Variants in CHL1 observed in about 807,000 individuals in gnomAD.
The protein encoded by CHL1 is cell adhesion molecule L1 like, also known as neural cell adhesion molecule L1-like protein.
CHL1 carries 96 observed loss-of-function variants against 141.9 expected under a neutral mutation model. The ratio of observed to expected loss-of-function variants is 0.68; its 90% CI spans 0.57 to 0.80. CHL1 has a LOEUF of 0.80. Ranked by LOEUF, CHL1 falls within the 30% of genes least tolerant of loss-of-function variation. CHL1 has a pLI of 0.00. For missense variants in CHL1, 1,820 were observed against 1,457.2 expected (o/e 1.25, Z -4.05); for synonymous variants, 613 against 502.2 (o/e 1.22, Z -2.95).
At chr3:207,788 C>G (rs926560646) in intron 1 of CHL1, among the ~76,000 whole-genome samples, 1 of 152,154 alleles carries the variant, frequency 6.6e-6, no homozygotes, top group Non-Finnish European at 1.5e-5. Context: ...GAGCAAACTT[C>G]AAAGGGTTTC....
At chr3:259,657 G>T (rs932658054) in intron 2 of CHL1, among the ~76,000 whole-genome samples, 14 of 151,796 alleles carry the variant, frequency 9.2e-5, no homozygotes, top group African/African-American at 3.1e-4. Context: ...TTACTTCCAA[G>T]CATTTTATAT....
chr3:210,486 G>A (rs1005865442), intron 1 of CHL1, among the ~76,000 whole-genome samples: 14 of 152,182 alleles, frequency 9.2e-5, no homozygotes, highest in African/African-American at 3.4e-4. Context: ...AGCTCAGCTG[G>A]GCCCCTCTTT....
At position 408,148 on chromosome 3, in the gene CHL1, C is replaced by T. The variant is rs1279015670; in HGVS notation, c.*2437C>T. On this transcript the variant is annotated 3_prime_UTR_variant, in exon 28 of 28. Coordinates refer to ENST00000256509, the MANE Select transcript of CHL1 (RefSeq NM_006614.4). ...TGATTTTCCCTCAGAAAATGAGTAACAGAGTCCACGGCGTGCAATGGTAAT... is the reference window on the plus strand; with the variant it reads ...TGATTTTCCCTCAGAAAATGAGTAATAGAGTCCACGGCGTGCAATGGTAAT... 1 of 152,004 alleles carries T rather than the reference C, an allele frequency of 6.6e-6. No homozygotes were observed. The highest frequency in any genetic ancestry group is 1.5e-5 in the Non-Finnish European group (1 of 67,990). 9.4% of individuals were successfully genotyped at this position (152,004 alleles called of 1,614,324 possible).
At chr3:217,858 C>G (rs1459094606) in intron 1 of CHL1, among the ~76,000 whole-genome samples, 1 of 152,022 alleles carries the variant, frequency 6.6e-6, no homozygotes, top group Non-Finnish European at 1.5e-5. Flanking sequence ...CAAAACAAAC[C>G]TTGGCTGTTG....
Position 361,721 on chromosome 3 carries a change from C to T in CHL1, c.1329C>T (p.Thr443=), listed in dbSNP as rs751295581. Residue 443 remains threonine (T), a synonymous_variant, in exon 13 of 28, where the codon ACC becomes ACT. Coordinates refer to ENST00000256509, the MANE Select transcript of CHL1 (RefSeq NM_006614.4). ...TAGATGTCCGTCCATTGATACAAAC[C>T]AAAGATGGAGAAAATTACGCTACAG... is the stretch of plus-strand genomic sequence containing the variant. ...DVVDVRPLIQ[T]KDGENYATVV... 6.2e-7 allele frequency: 1 copy of T among 1,612,646 alleles called. No homozygotes were observed. Among genetic ancestry groups the T allele is most frequent in the Non-Finnish European group, 8.5e-7 (1 of 1,179,004 alleles).
At chr3:345,467 A>AT (rs397937888) in intron 9 of CHL1, among the ~76,000 whole-genome samples, 12,383 of 134,776 alleles carry the variant, frequency 0.092, 612 homozygotes, top group African/African-American at 0.15. Flanking sequence ...TATTTATTTA[A>AT]TTATTTATTC....
chr3:366,245 T>C, intron 15 of CHL1, 130 bp downstream of exon 15: 1 of 790,378 alleles, frequency 1.3e-6, no homozygotes, highest in South Asian at 1.7e-5. Flanking sequence ...CCGAGGCGAG[T>C]GGATCACTTG....
At chr3:289,915 A>T (rs770753266) in intron 2 of CHL1, among the ~76,000 whole-genome samples, 2 of 143,964 alleles carry the variant, frequency 1.4e-5, no homozygotes, top group Non-Finnish European at 3.0e-5. Flanking sequence ...ACATAGATAC[A>T]TTGCTCCACT....
At chr3:198,544 T>G (rs1055544937) in intron 1 of CHL1, among the ~76,000 whole-genome samples, 14 of 152,184 alleles carry the variant, frequency 9.2e-5, no homozygotes, top group Non-Finnish European at 1.9e-4. Context: ...AGTTTCCCTT[T>G]CTCAATAATA....
At chr3:320,689 C>T (rs73009509) in intron 3 of CHL1, among the ~76,000 whole-genome samples, 14,415 of 151,792 alleles carry the variant, frequency 0.095, 986 homozygotes, top group East Asian at 0.33. Flanking sequence ...TATAGTGAGA[C>T]TTTGTTTTTT....
At chr3:247,995 G>A (rs1189142268) in intron 2 of CHL1, 3 of 151,934 alleles carry the variant, frequency 2.0e-5, no homozygotes, top group African/African-American at 4.8e-5. Context: ...CATATTTGAT[G>A]TCTTTACCTT....
intron 2 of CHL1, among the ~76,000 whole-genome samples, chr3:280,270 G>A (rs1696519836): frequency 1.3e-5 from 2 of 151,618 alleles, no homozygotes; most frequent in African/African-American, 4.8e-5. Context: ...AAAGAATGAG[G>A]GATTTTGCAA....
chr3:405,411 T>C (rs1296583680), intron 27 of CHL1, 84 bp from the exon 28 acceptor site: 9 of 896,158 alleles, frequency 1.0e-5, no homozygotes, highest in Non-Finnish European at 1.6e-5. Context: ...AATTATAAAA[T>C]CTTTTATCAC....
At chr3:229,804 T>C (rs1701697428) in intron 1 of CHL1, among the ~76,000 whole-genome samples, 1 of 152,172 alleles carries the variant, frequency 6.6e-6, no homozygotes, top group African/African-American at 2.4e-5. Context: ...TAGAACTTAA[T>C]CTTTAAATTC....
intron 2 of CHL1, among the ~76,000 whole-genome samples, chr3:298,290 C>G (rs1698392298): frequency 6.6e-6 from 1 of 152,150 alleles, no homozygotes; most frequent in African/African-American, 2.4e-5. Flanking sequence ...GACCTAATAT[C>G]TAGTTTTACT....
chr3:332,037 A>T (rs1294531756), intron 5 of CHL1, among the ~76,000 whole-genome samples: 1 of 152,240 alleles, frequency 6.6e-6, no homozygotes, highest in Non-Finnish European at 1.5e-5. Flanking sequence ...CCTTCGTTGA[A>T]GATGCTCTTA....
At position 408,774 on chromosome 3, in the gene CHL1, G is replaced by A. The variant is rs1709685660; in HGVS notation, c.*3063G>A. The A allele has an allele frequency of 6.6e-6, 1 of 152,020 alleles. No individual in the cohort carries two copies. The highest frequency in any genetic ancestry group is 1.5e-5 in the Non-Finnish European group (1 of 67,988). 9.4% of individuals were successfully genotyped at this position (152,020 alleles called of 1,614,324 possible). On this transcript the variant is annotated 3_prime_UTR_variant, in exon 28 of 28. Transcript: ENST00000256509. ...AGCAGGGTCTTTGCTATACAAAAGT[G>A]TTTTCCACTAATTTTGCATGCGTAT... is the stretch of plus-strand genomic sequence containing the variant.
Position 328,505 on chromosome 3 carries a change from G to T in CHL1, c.385+151G>T, listed in dbSNP as rs1251455827. ...ATTTATAAGGAAAAATTTCCTCCAG[G>T]TCTTGATACTTAAAATCGGATGACC... On this transcript the variant is annotated intron_variant, in intron 5 of 27. Coordinates refer to ENST00000256509, the MANE Select transcript of CHL1 (RefSeq NM_006614.4). The T allele has an allele frequency of 1.7e-5, 9 of 543,780 alleles. No homozygotes were observed. In the East Asian group the frequency reaches 2.3e-4, roughly 14 times the overall value. 33.7% of individuals were successfully genotyped at this position (543,780 alleles called of 1,614,324 possible).
At chr3:353,086 T>C (rs1372665166) in intron 10 of CHL1, among the ~76,000 whole-genome samples, 1 of 152,188 alleles carries the variant, frequency 6.6e-6, no homozygotes, top group Non-Finnish European at 1.5e-5. Flanking sequence ...GATGAAAGGA[T>C]TGGATGACGT....
Sources: allele counts gnomAD v4.1 joint callset (sites outside exome capture counted in the v4.1 genomes callset), GRCh38; gene constraint gnomAD v4.1.1; transcripts MANE v1.5; gene names NCBI Gene and HGNC (gene_info 2026-07-23, HGNC 2026-07-21).